Variants in RNF121 observed in about 807,000 individuals in gnomAD.
RNF121 encodes ring finger protein 121, also known as E3 ubiquitin ligase RNF121.
Under a neutral mutation model 46.5 loss-of-function variants are expected in RNF121, and 21 were observed. The observed-to-expected ratio is 0.45, with a 90% CI of 0.32 to 0.65. The LOEUF (loss-of-function observed/expected upper bound fraction) is 0.65, where lower values mean the gene tolerates loss of function less well. Ranked by LOEUF, RNF121 falls within the 30% of genes least tolerant of loss-of-function variation. RNF121 has a pLI of 0.04. For synonymous variants in RNF121, 139 were observed against 144.7 expected (o/e 0.96, Z 0.28); for missense variants, 346 against 416.0 (o/e 0.83, Z 1.46).
intron 5 of RNF121, among the ~76,000 whole-genome samples, chr11:71,988,965 A>C (rs1355724495): frequency 1.3e-5 from 2 of 152,244 alleles, no homozygotes; most frequent in African/African-American, 4.8e-5. Flanking sequence ...AGTCAAACAC[A>C]TCTTGTCAAA....
rs1001129353 is a variant in RNF121, at chr11:71,952,921, C to T, written c.64-4306C>T. Among the ~76,000 whole-genome samples, 5 of 152,226 alleles carry T rather than the reference C, an allele frequency of 3.3e-5. No individual in the cohort carries two copies. In the South Asian group the frequency reaches 8.3e-4, roughly 25 times the overall value. On this transcript the variant is annotated intron_variant, in intron 1 of 8. Coordinates refer to ENST00000361756, the MANE Select transcript of RNF121 (RefSeq NM_018320.5). ...GTGACTACATTTGAAAATTCACTCT[C>T]AGCAATTTTGAAATGTACAATATTC...
Position 71,996,131 on chromosome 11 carries a change from C to T in RNF121, c.864-64C>T, listed in dbSNP as rs1954970948. Reference sequence around the variant, plus strand: ...GTGGGGCAGACCCAGGGAGCCCCACCACCCATGCTAGATCACTCCTGGCAG... The same window carrying T: ...GTGGGGCAGACCCAGGGAGCCCCACTACCCATGCTAGATCACTCCTGGCAG... On this transcript the variant is annotated intron_variant, in intron 8 of 8. Coordinates refer to ENST00000361756, the MANE Select transcript of RNF121 (RefSeq NM_018320.5). 2.5e-6 allele frequency: 4 copies of T among 1,592,130 alleles called. No homozygotes were observed. In the Admixed American group the frequency reaches 6.8e-5, roughly 27 times the overall value.
intron 3 of RNF121, chr11:71,962,407 C>A: frequency 2.1e-6 from 1 of 485,348 alleles, no homozygotes; most frequent in Non-Finnish European, 2.7e-6. Flanking sequence ...AGTTAAGAGG[C>A]TGCTCTGCTT....
At chr11:71,996,140 T>C (rs936876729) in intron 8 of RNF121, 55 bp from the exon 9 acceptor site, 1 of 1,606,938 alleles carries the variant, frequency 6.2e-7, no homozygotes, top group Admixed American at 1.7e-5. Context: ...CCACCCATGC[T>C]AGATCACTCC....
chr11:71,984,877 A>G (rs1187622733), intron 4 of RNF121, among the ~76,000 whole-genome samples: 1 of 148,054 alleles, frequency 6.8e-6, no homozygotes, highest in Non-Finnish European at 1.5e-5. Context: ...GTGAGCCACC[A>G]CGCCCAGCCC....
At chr11:71,946,376 C>T (rs1170966229) in intron 1 of RNF121, among the ~76,000 whole-genome samples, 5 of 152,148 alleles carry the variant, frequency 3.3e-5, no homozygotes, top group Non-Finnish European at 7.4e-5. Context: ...CACAAAAGAT[C>T]ACATACTCAA....
At chr11:71,965,324 C>T (rs1195240747) in intron 3 of RNF121, among the ~76,000 whole-genome samples, 3 of 150,312 alleles carry the variant, frequency 2.0e-5, no homozygotes, top group Admixed American at 6.7e-5. Flanking sequence ...GATCTTGGCT[C>T]ACTGCAACCT....
chr11:71,980,822 T>C (rs960472790), intron 3 of RNF121, among the ~76,000 whole-genome samples: 2 of 152,212 alleles, frequency 1.3e-5, no homozygotes, highest in African/African-American at 2.4e-5. Context: ...ATATTTGATT[T>C]CAAAGCCTTA....
chr11:71,948,733 A>G (rs188776246), intron 1 of RNF121, among the ~76,000 whole-genome samples: 16 of 152,224 alleles, frequency 1.1e-4, no homozygotes, highest in African/African-American at 3.1e-4. Context: ...GGTGGCCTGA[A>G]AGGTGAGGTT....
intron 3 of RNF121, among the ~76,000 whole-genome samples, chr11:71,976,568 C>T (rs1229144439): frequency 6.6e-6 from 1 of 151,868 alleles, no homozygotes; most frequent in Non-Finnish European, 1.5e-5. Context: ...GTTGGTTGGC[C>T]AGTATGGTCT....
chr11:71,957,780 A>G (rs1565148494), intron 2 of RNF121, among the ~76,000 whole-genome samples: 1 of 152,158 alleles, frequency 6.6e-6, no homozygotes, highest in Admixed American at 6.6e-5. Flanking sequence ...CTCTGCAACT[A>G]ACTTGTTTTG....
chr11:71,939,399 T>C, intron 1 of RNF121: 1 of 156,526 alleles, frequency 6.4e-6, no homozygotes, highest in Non-Finnish European at 1.4e-5. Flanking sequence ...TGTGGCTTTT[T>C]GGATTTGCAC....
At chr11:71,988,849 A>G (rs1439571357) in intron 5 of RNF121, among the ~76,000 whole-genome samples, 1 of 151,960 alleles carries the variant, frequency 6.6e-6, no homozygotes, top group Non-Finnish European at 1.5e-5. Flanking sequence ...AATAAATCCT[A>G]TTTTATATAG....
At chr11:71,995,170 C>G (rs890583094) in intron 7 of RNF121, 10 of 567,456 alleles carry the variant, frequency 1.8e-5, no homozygotes, top group African/African-American at 1.3e-4. Flanking sequence ...ATCCTCTGTT[C>G]TGAATAACAC....
chr11:71,996,055 G>A (rs1954968668), intron 8 of RNF121, 140 bp from the exon 9 acceptor site: 2 of 1,009,320 alleles, frequency 2.0e-6, no homozygotes, highest in Admixed American at 4.9e-5. Context: ...GTGAGGCTGG[G>A]CCCTTCCAGA....
Position 71,990,823 on chromosome 11 carries a change from A to C in RNF121, c.627+106A>C. ...GAAAGGCACTAGGGTGAGATAAGCC[A>C]CATAAAATCCTTCAAGATGTGCATA... On this transcript the variant is annotated intron_variant, in intron 6 of 8. Transcript: ENST00000361756. The C allele has an allele frequency of 2.2e-6, 3 of 1,378,756 alleles. No homozygotes were observed. The South Asian group carries it at 4.1e-5, about 19-fold the overall frequency. The allele number at this position is 1,378,756 out of a possible 1,614,324, so 85.4% of individuals were successfully genotyped here.
chr11:71,986,411 T>G (rs2134211442), intron 4 of RNF121, among the ~76,000 whole-genome samples: 1 of 152,362 alleles, frequency 6.6e-6, no homozygotes, highest in South Asian at 2.1e-4. Flanking sequence ...AGGTCAGCTG[T>G]GCTCCTTCTT....
intron 5 of RNF121, among the ~76,000 whole-genome samples, chr11:71,988,157 G>A (rs1008690777): frequency 5.3e-5 from 8 of 152,130 alleles, no homozygotes; most frequent in African/African-American, 1.9e-4. Flanking sequence ...CATTCCTAGG[G>A]ATGGAATTTT....
intron 1 of RNF121, among the ~76,000 whole-genome samples, chr11:71,934,814 A>T (rs1268578035): frequency 6.6e-6 from 1 of 152,190 alleles, no homozygotes; most frequent in East Asian, 1.9e-4. Context: ...ATCTGATCAT[A>T]GATGCTTAGA....
Sources: allele counts gnomAD v4.1 joint callset (sites outside exome capture counted in the v4.1 genomes callset), GRCh38; gene constraint gnomAD v4.1.1; transcripts MANE v1.5; gene names NCBI Gene and HGNC (gene_info 2026-07-23, HGNC 2026-07-21).